PCDHA12: variants seen among roughly 807,000 people sequenced by gnomAD.
The protein encoded by PCDHA12 is protocadherin alpha 12.
PCDHA12 carries 44 observed loss-of-function variants against 60.0 expected under a neutral mutation model. That is an observed-to-expected ratio of 0.73 (90% confidence interval 0.58 to 0.94). The LOEUF (loss-of-function observed/expected upper bound fraction) is 0.94. Among genes scored for constraint, PCDHA12 ranks in the 40% least tolerant of loss-of-function variants. The probability of loss-of-function intolerance (pLI) is 0.00; values close to 1 mark genes in which losing one functional copy is unlikely to be tolerated. For missense variants in PCDHA12, 1,276 were observed against 1,239.7 expected (o/e 1.03, Z -0.44); for synonymous variants, 569 against 553.0 (o/e 1.03, Z -0.40).
At chr5:140,920,842 A>T (rs1377558160) in intron 1 of PCDHA12, among the ~76,000 whole-genome samples, 3 of 127,576 alleles carry the variant, frequency 2.4e-5, no homozygotes, top group Non-Finnish European at 5.0e-5. Context: ...GACCAAATCT[A>T]AAAAAAAAAA....
At chr5:140,980,615 C>T (rs1182621837) in intron 2 of PCDHA12, among the ~76,000 whole-genome samples, 4 of 151,596 alleles carry the variant, frequency 2.6e-5, no homozygotes, top group Admixed American at 6.6e-5. Flanking sequence ...GGCGACAGTG[C>T]GAGACTCTGT....
intron 1 of PCDHA12, chr5:140,927,458 AAG>A: frequency 6.2e-7 from 1 of 1,614,124 alleles, no homozygotes; most frequent in Non-Finnish European, 8.5e-7. Context: ...GTGTTGGAGA[AAG>A]CACTGGATCG....
intron 1 of PCDHA12, among the ~76,000 whole-genome samples, chr5:140,910,110 G>A (rs964418352): frequency 6.6e-6 from 1 of 152,194 alleles, no homozygotes; most frequent in South Asian, 2.1e-4. Flanking sequence ...TCATTTAAGG[G>A]ATTCTAGGTC....
At chr5:140,984,013 A>G (rs1258063909) in intron 3 of PCDHA12, among the ~76,000 whole-genome samples, 1 of 152,234 alleles carries the variant, frequency 6.6e-6, no homozygotes, top group Non-Finnish European at 1.5e-5. Context: ...TAATATTGCC[A>G]GATTGCAAGG....
Position 141,000,690 on chromosome 5 carries a change from A to G in PCDHA12, c.2516-8937A>G, listed in dbSNP as rs550187550. On this transcript the variant is annotated intron_variant, in intron 3 of 3. Transcript: ENST00000398631. The stretch of plus-strand genomic sequence containing the variant: ...TGATCCACCTGCCTCTGCCTCCCAA[A>G]GTGCTGGGATTACAGGCATGAGCCA... 4.2e-3 allele frequency among the ~76,000 whole-genome samples: 638 copies of G among 151,554 alleles called. 1 individual carries two copies. The highest frequency in any genetic ancestry group is 7.2e-3 in the Non-Finnish European group (489 of 67,874).
At chr5:140,968,086 A>G (rs2096217656) in intron 1 of PCDHA12, 1 of 1,614,058 alleles carries the variant, frequency 6.2e-7, no homozygotes, top group African/African-American at 1.3e-5. Context: ...TCACGGTGAC[A>G]GCCACAGATG....
chr5:140,903,524 A>T (rs2070355065), intron 1 of PCDHA12, among the ~76,000 whole-genome samples: 1 of 152,156 alleles, frequency 6.6e-6, no homozygotes, highest in Non-Finnish European at 1.5e-5. Flanking sequence ...TGTGTTGTTC[A>T]CTTTAAACTA....
At chr5:140,891,400 G>A (rs1220760247) in intron 1 of PCDHA12, among the ~76,000 whole-genome samples, 1 of 150,966 alleles carries the variant, frequency 6.6e-6, no homozygotes, top group Non-Finnish European at 1.5e-5. Flanking sequence ...TTTATCCCTC[G>A]CCACCCCCCA....
intron 1 of PCDHA12, among the ~76,000 whole-genome samples, chr5:140,884,876 C>A (rs1554181909): frequency 6.6e-6 from 1 of 152,096 alleles, no homozygotes; most frequent in African/African-American, 2.4e-5. Context: ...ATGAAATGTG[C>A]AAAACAAGAA....
chr5:140,928,602 G>A (rs927910920), intron 1 of PCDHA12: 26 of 1,614,058 alleles, frequency 1.6e-5, no homozygotes, highest in Non-Finnish European at 2.2e-5. Context: ...TGGAAATTGT[G>A]CCCCGCTCTG....
In PCDHA12 at chr5:140,936,771, C is replaced by A. The variant is rs182480245; in HGVS notation, c.2368-42178C>A. Among the ~76,000 whole-genome samples, 20 of 152,230 alleles carry A rather than the reference C, an allele frequency of 1.3e-4. No individual in the cohort carries two copies. In the East Asian group the frequency reaches 3.5e-3, roughly 26 times the overall value. On this transcript the variant is annotated intron_variant, in intron 1 of 3. Coordinates refer to ENST00000398631, the MANE Select transcript of PCDHA12 (RefSeq NM_018903.4). ...GTATTGATATCTAATTGTGTAAGTT[C>A]TCTCACTTTGTTATTCTGCTTCAAG...
At chr5:141,007,749 T>C (rs2098343750) in intron 3 of PCDHA12, among the ~76,000 whole-genome samples, 2 of 152,334 alleles carry the variant, frequency 1.3e-5, no homozygotes, top group South Asian at 4.1e-4. Flanking sequence ...AAGATAACTT[T>C]GGACTCTTAT....
rs35680913 is a variant in PCDHA12 at position 140,961,887 on chromosome 5, GT to G, written c.2368-17048del. Among the ~76,000 whole-genome samples, 881 of 143,912 alleles carry G rather than the reference GT, an allele frequency of 6.1e-3. 6 individuals carry two copies. The highest frequency in any genetic ancestry group is 0.018 in the African/African-American group (705 of 39,388). The allele number at this position is 143,912 out of a possible 152,430, so 94.4% of individuals were successfully genotyped here. ...ACAGATAATTGACTTACTTACATCA[GT>G]TTTTTTTTTTTTTGAGATGGAGTCT... On this transcript the variant is annotated intron_variant, in intron 1 of 3. Coordinates refer to ENST00000398631, the MANE Select transcript of PCDHA12 (RefSeq NM_018903.4).
Position 141,004,377 on chromosome 5 carries a change from C to T in PCDHA12, c.2516-5250C>T, listed in dbSNP as rs567018582. Among the ~76,000 whole-genome samples the T allele has an allele frequency of 3.9e-5, 6 of 152,294 alleles. No homozygotes were observed. The South Asian group carries it at 6.2e-4, about 16-fold the overall frequency. ...AGAGACCACACCTTGTTCTGCTCTG[C>T]GGAAGCTGGACATGTGGAGGAGGCA... On this transcript the variant is annotated intron_variant, in intron 3 of 3. Coordinates refer to ENST00000398631, the MANE Select transcript of PCDHA12 (RefSeq NM_018903.4).
intron 1 of PCDHA12, chr5:140,969,021 C>T (rs2096289420): frequency 8.1e-6 from 13 of 1,614,146 alleles, no homozygotes; most frequent in Non-Finnish European, 1.1e-5. Context: ...AGGGAAAGGT[C>T]CCCTGCAGAA....
intron 1 of PCDHA12, among the ~76,000 whole-genome samples, chr5:140,892,799 G>A (rs1222453314): frequency 6.6e-6 from 1 of 152,108 alleles, no homozygotes; most frequent in African/African-American, 2.4e-5. Flanking sequence ...AGAAATTATA[G>A]TTAACCATAT....
intron 1 of PCDHA12, chr5:140,883,991 G>C: frequency 6.2e-7 from 1 of 1,612,972 alleles, no homozygotes; most frequent in South Asian, 1.1e-5. Flanking sequence ...CAGCGCGGGA[G>C]GCACAGTGAG....
chr5:140,936,798 T>C (rs2091152803), intron 1 of PCDHA12, among the ~76,000 whole-genome samples: 1 of 152,240 alleles, frequency 6.6e-6, no homozygotes, highest in Admixed American at 6.5e-5. Context: ...TGCTTCAAGA[T>C]TAACTTAGCT....
intron 3 of PCDHA12, among the ~76,000 whole-genome samples, chr5:141,001,535 G>A (rs2098024806): frequency 6.6e-6 from 1 of 152,182 alleles, no homozygotes; most frequent in South Asian, 2.1e-4. Flanking sequence ...TCTGATCCTG[G>A]ACAGGATTTG....
Sources: allele counts gnomAD v4.1 joint callset (sites outside exome capture counted in the v4.1 genomes callset), GRCh38; gene constraint gnomAD v4.1.1; transcripts MANE v1.5; gene names NCBI Gene and HGNC (gene_info 2026-07-23, HGNC 2026-07-21).